Variants in C7 observed in about 807,000 individuals in gnomAD.
The protein encoded by C7 is complement component C7.
C7 carries 83 observed loss-of-function variants against 104.8 expected under a neutral mutation model. That is an observed-to-expected ratio of 0.79 (90% CI 0.66 to 0.95). The LOEUF is 0.95. C7 is among the 40% of genes least tolerant of loss of function. The pLI, the probability that C7 is intolerant of heterozygous loss-of-function variation, is 0.00. For synonymous variants in C7, 415 were observed against 360.6 expected, an observed-to-expected ratio of 1.15 and a Z score of -1.71; for missense variants, 1,070 against 1,011.2, an observed-to-expected ratio of 1.06 and a Z score of -0.79.
intron 15 of C7, among the ~76,000 whole-genome samples, chr5:40,975,167 C>T (rs1457600504): frequency 5.9e-5 from 9 of 152,100 alleles, no homozygotes; most frequent in African/African-American, 2.2e-4. Flanking sequence ...ACCCTTCACC[C>T]ATCTTCCTTA....
chr5:40,936,892 A>G (rs1464151929), intron 5 of C7, among the ~76,000 whole-genome samples: 4 of 152,158 alleles, frequency 2.6e-5, no homozygotes, highest in Admixed American at 6.6e-5. Flanking sequence ...GAGAGACAGA[A>G]GCAAGTGTGT....
At chr5:40,921,156 C>T (rs1007530510) in intron 1 of C7, among the ~76,000 whole-genome samples, 1 of 151,808 alleles carries the variant, frequency 6.6e-6, no homozygotes, top group Admixed American at 6.6e-5. Context: ...CAGCAGCATT[C>T]CTACATGCTA....
chr5:40,953,439 G>A (rs1400286648), intron 9 of C7, among the ~76,000 whole-genome samples: 4 of 151,956 alleles, frequency 2.6e-5, no homozygotes, highest in Non-Finnish European at 4.4e-5. Context: ...TTAAGAGATC[G>A]AGACCATTCT....
intron 9 of C7, among the ~76,000 whole-genome samples, chr5:40,953,194 T>C (rs1289253388): frequency 6.6e-6 from 1 of 152,090 alleles, no homozygotes; most frequent in Admixed American, 6.6e-5. Context: ...AGATTTACAG[T>C]CACAGAAAGT....
chr5:40,972,228 G>A (rs192393455), intron 14 of C7, among the ~76,000 whole-genome samples, 175 bp from the exon 15 acceptor site: 134 of 152,236 alleles, frequency 8.8e-4, no homozygotes, highest in Middle Eastern at 3.4e-3. Flanking sequence ...GGTCAATTAC[G>A]TGCCAGGCTC....
intron 14 of C7, among the ~76,000 whole-genome samples, chr5:40,967,069 A>AT (rs72111743): frequency 0.3 from 37,885 of 127,556 alleles, 5,470 homozygotes; most frequent in East Asian, 0.46. Context: ...TTTTCAAAGG[A>AT]TTTTTTTTTT....
At chr5:40,935,132 C>A (rs753573865) in intron 4 of C7, among the ~76,000 whole-genome samples, 1 of 152,154 alleles carries the variant, frequency 6.6e-6, no homozygotes, top group Non-Finnish European at 1.5e-5. Flanking sequence ...ACCTGTTGAA[C>A]GCTTATTTTA....
At chr5:40,940,119 G>A (rs188045120) in intron 6 of C7, among the ~76,000 whole-genome samples, 251 of 152,262 alleles carry the variant, frequency 1.6e-3, no homozygotes, top group Admixed American at 1.6e-3. Flanking sequence ...GGCCCACTGG[G>A]TATTCAGCTC....
In C7 at chr5:40,974,447, G is replaced by T. The variant is rs148701741; in HGVS notation, c.2074+1853G>T. On this transcript the variant is annotated intron_variant, in intron 15 of 17. Transcript: ENST00000313164. ...TTTTTTTTTTTTGAGATGCAGTCTC[G>T]TTCTGTCACCCAGGCTGGAGTGCAG... Among the ~76,000 whole-genome samples the T allele has an allele frequency of 8.3e-3, 1,166 of 140,970 alleles. 47 individuals are homozygous for T. The East Asian group carries it at 0.14, about 17-fold the overall frequency. 92.5% of individuals were successfully genotyped at this position (140,970 alleles called of 152,430 possible).
At chr5:40,954,877 C>CAAAAAAAAA (rs35360366) in intron 9 of C7, 7 of 54,656 alleles carry the variant, frequency 1.3e-4, no homozygotes, top group African/African-American at 2.2e-4. Context: ...AATACTGTCT[C>CAAAAAAAAA]AAAAAAAAAA....
intron 1 of C7, among the ~76,000 whole-genome samples, chr5:40,923,774 GA>G (rs1271435699): frequency 2.0e-5 from 3 of 151,538 alleles, no homozygotes; most frequent in African/African-American, 7.3e-5. Flanking sequence ...GCGAGAGGGG[GA>G]AAATGTCATG....
chr5:40,964,967 T>G, intron 14 of C7, 94 bp downstream of exon 14: 1 of 1,399,104 alleles, frequency 7.1e-7, no homozygotes, highest in Non-Finnish European at 1.0e-6. Context: ...GGCCCATGTG[T>G]TGGCCTTCCT....
At chr5:40,937,889 C>T (rs369134971) in intron 6 of C7, among the ~76,000 whole-genome samples, 199 bp downstream of exon 6, 10 of 152,118 alleles carry the variant, frequency 6.6e-5, no homozygotes, top group African/African-American at 2.2e-4. Context: ...TAACATGTGT[C>T]ATTCAAGCTG....
At chr5:40,936,513 C>T (rs1377589601) in intron 5 of C7, 28 bp downstream of exon 5, 1 of 1,592,698 alleles carries the variant, frequency 6.3e-7, no homozygotes, top group Non-Finnish European at 8.5e-7. Context: ...CTCCTGAGTA[C>T]ATCAGTGAAT....
chr5:40,947,458 T>G lies in C7; in HGVS notation c.739-144T>G. 3.6e-6 allele frequency: 3 copies of G among 823,668 alleles called. No individual in the cohort carries two copies. In the South Asian group the frequency reaches 4.8e-5, roughly 13 times the overall value. 51.0% of individuals were successfully genotyped at this position (823,668 alleles called of 1,614,324 possible). On this transcript the variant is annotated intron_variant, in intron 7 of 17. Coordinates refer to ENST00000313164, the MANE Select transcript of C7 (RefSeq NM_000587.4). The stretch of plus-strand genomic sequence containing the variant: ...CGTCCAGTAAGTGGGCCCATAAGAG[T>G]GCTCATCATGCGTCAAAAATAAAAA...
chr5:40,918,538 G>A (rs1488200475), intron 1 of C7, among the ~76,000 whole-genome samples: 3 of 151,984 alleles, frequency 2.0e-5, no homozygotes, highest in Admixed American at 6.6e-5. Context: ...CCAACTATAC[G>A]TTACCTGCAG....
Position 40,909,596 on chromosome 5 carries a change from A to G in C7, c.-15A>G. 6.4e-7 allele frequency: 1 copy of G among 1,566,306 alleles called. No homozygotes were observed. The highest frequency in any genetic ancestry group is 8.7e-7 in the Non-Finnish European group (1 of 1,146,052). On this transcript the variant is annotated 5_prime_UTR_variant, in exon 1 of 18. Transcript: ENST00000313164. ...AATCTTCCTCCTCTCTTCTGCCCTG[A>G]ATGTTTTCCCAAACATGAAGGTAAG...
At chr5:40,914,864 C>A (rs1055585741) in intron 1 of C7, among the ~76,000 whole-genome samples, 2 of 152,108 alleles carry the variant, frequency 1.3e-5, no homozygotes, top group African/African-American at 4.8e-5. Flanking sequence ...ATAAACCCAG[C>A]AGTATCAGTT....
intron 15 of C7, among the ~76,000 whole-genome samples, chr5:40,975,488 T>C (rs1358538750): frequency 2.6e-5 from 4 of 151,436 alleles, no homozygotes; most frequent in African/African-American, 7.3e-5. Flanking sequence ...CTCAGCCTCC[T>C]GAGGAGCTGA....
Sources: allele counts gnomAD v4.1 joint callset (sites outside exome capture counted in the v4.1 genomes callset), GRCh38; gene constraint gnomAD v4.1.1; transcripts MANE v1.5; gene names NCBI Gene and HGNC (gene_info 2026-07-23, HGNC 2026-07-21).